PLCH1: variants seen among roughly 807,000 people sequenced by gnomAD.
PLCH1 encodes 1-phosphatidylinositol 4,5-bisphosphate phosphodiesterase eta-1.
In PLCH1, 60 loss-of-function variants were observed where a neutral mutation model predicts 126.7. The ratio of observed to expected loss-of-function variants is 0.47; its 90% CI spans 0.38 to 0.59. The LOEUF is 0.59. Among genes scored for constraint, PLCH1 ranks in the 20% least tolerant of loss-of-function variants. The pLI is 0.00. For missense variants in PLCH1, 1,723 were observed against 2,040.0 expected (o/e 0.84, Z 2.99); for synonymous variants, 719 against 734.9 (o/e 0.98, Z 0.35).
intron 2 of PLCH1, among the ~76,000 whole-genome samples, chr3:155,622,431 T>G (rs1029990462): frequency 6.6e-6 from 1 of 152,174 alleles, no homozygotes; most frequent in Non-Finnish European, 1.5e-5. Flanking sequence ...TAAATGTAAA[T>G]GGGCTAAATG....
chr3:155,522,983 G>A (rs577641054), intron 11 of PLCH1, among the ~76,000 whole-genome samples: 1 of 130,110 alleles, frequency 7.7e-6, no homozygotes, highest in African/African-American at 2.9e-5. Flanking sequence ...GGGGTGTGGG[G>A]TTGGAGGTGG....
chr3:155,625,183 T>C (rs1737081173), intron 2 of PLCH1, among the ~76,000 whole-genome samples: 1 of 152,202 alleles, frequency 6.6e-6, no homozygotes, highest in Non-Finnish European at 1.5e-5. Context: ...GAAAATTGGC[T>C]AGCCATAAGC....
intron 6 of PLCH1, among the ~76,000 whole-genome samples, chr3:155,569,472 G>A (rs1009522231): frequency 2.0e-5 from 3 of 152,134 alleles, no homozygotes; most frequent in African/African-American, 7.2e-5. Flanking sequence ...TTTCAAACTA[G>A]CATGGTGGCT....
In PLCH1 at chr3:155,634,256, C is replaced by T. The variant is rs1738450070; in HGVS notation, c.80-37878G>A. Among the ~76,000 whole-genome samples the T allele has an allele frequency of 7.9e-5, 12 of 152,214 alleles. 1 individual carries two copies. In the South Asian group the frequency reaches 2.5e-3, roughly 32 times the overall value. On this transcript the variant is annotated intron_variant, in intron 2 of 22. Coordinates refer to ENST00000460012, the MANE Select transcript of PLCH1 (RefSeq NM_014996.4). ...AGCCTGGCCTTCACAGCCCCTCCAA[C>T]CAAGAAACAGCAGCAGCGTGTTGCT...
At chr3:155,694,234 A>G (rs1025805596) in intron 2 of PLCH1, among the ~76,000 whole-genome samples, 1 of 152,192 alleles carries the variant, frequency 6.6e-6, no homozygotes, top group Non-Finnish European at 1.5e-5. Flanking sequence ...CTAGAATCAC[A>G]TGAAGAGTTC....
At chr3:155,698,986 C>CT (rs35308889) in intron 2 of PLCH1, among the ~76,000 whole-genome samples, 18,409 of 138,202 alleles carry the variant, frequency 0.13, 1,220 homozygotes, top group South Asian at 0.23. Flanking sequence ...GGCCTATCTT[C>CT]TTTTTTTTTT....
chr3:155,473,341 T>C (rs1463523722), intron 21 of PLCH1, among the ~76,000 whole-genome samples: 2 of 152,050 alleles, frequency 1.3e-5, no homozygotes, highest in East Asian at 3.9e-4. Flanking sequence ...TCAAAGAGAA[T>C]AAAATACCTA....
chr3:155,486,519 T>TG (rs1256771319), intron 21 of PLCH1, among the ~76,000 whole-genome samples: 5 of 144,512 alleles, frequency 3.5e-5, no homozygotes, highest in Admixed American at 6.8e-5. Context: ...GTTTGTTTTT[T>TG]TTTTTTTTTT....
rs202216052 is a variant in PLCH1 at position 155,561,382 on chromosome 3, A to T, written c.1069+3533T>A. 1.9e-4 allele frequency among the ~76,000 whole-genome samples: 29 copies of T among 149,448 alleles called. No individual in the cohort carries two copies. The East Asian group carries it at 2.6e-3, about 13-fold the overall frequency. On this transcript the variant is annotated intron_variant, in intron 8 of 22. Coordinates refer to ENST00000460012, the MANE Select transcript of PLCH1 (RefSeq NM_014996.4). ...CCCACCTATGAGTGAGAATATGCGG[A>T]GTTTGGTTTTTTGTTCTTGCGATAG...
chr3:155,639,100 A>G (rs961315062), intron 2 of PLCH1, among the ~76,000 whole-genome samples: 11 of 152,154 alleles, frequency 7.2e-5, no homozygotes, highest in African/African-American at 2.7e-4. Context: ...TGAGTAAATG[A>G]AAAAAATTGA....
At chr3:155,528,229 CAAAAA>C (rs55712257) in intron 10 of PLCH1, among the ~76,000 whole-genome samples, 7 of 124,412 alleles carry the variant, frequency 5.6e-5, no homozygotes, top group Non-Finnish European at 6.7e-5. Flanking sequence ...GTCTCCCCAC[CAAAAA>C]AAAAAAAAAA....
intron 21 of PLCH1, among the ~76,000 whole-genome samples, chr3:155,458,498 G>GAAAGAA (rs776599269): frequency 0.025 from 1,728 of 69,428 alleles, 252 homozygotes; most frequent in African/African-American, 0.11. Context: ...AAGAAAGAAA[G>GAAAGAA]AGAAAGAAGA....
chr3:155,483,622 G>A (rs1233681909), intron 22 of PLCH1, among the ~76,000 whole-genome samples: 1 of 152,114 alleles, frequency 6.6e-6, no homozygotes, highest in Non-Finnish European at 1.5e-5. Flanking sequence ...ATCAATATCT[G>A]TTGAGTTAAA....
chr3:155,721,027 T>C (rs1747910995), intron 1 of PLCH1, among the ~76,000 whole-genome samples: 1 of 152,144 alleles, frequency 6.6e-6, no homozygotes, highest in Non-Finnish European at 1.5e-5. Context: ...GTTGGCTGTA[T>C]ATATTTGGCT....
At chr3:155,583,926 A>C (rs1260702808) in intron 5 of PLCH1, among the ~76,000 whole-genome samples, 2 of 151,822 alleles carry the variant, frequency 1.3e-5, no homozygotes, top group Admixed American at 6.6e-5. Context: ...AAAAAAAAAA[A>C]ACCTGTAGAA....
intron 6 of PLCH1, among the ~76,000 whole-genome samples, chr3:155,571,970 A>G (rs1434907011): frequency 1.3e-5 from 2 of 152,184 alleles, no homozygotes; most frequent in Admixed American, 6.5e-5. Context: ...CTCACAGAAC[A>G]TTTTTTATGA....
intron 1 of PLCH1, among the ~76,000 whole-genome samples, chr3:155,709,085 T>C (rs1001332765): frequency 9.2e-5 from 14 of 152,252 alleles, no homozygotes. Context: ...GCATTTAATG[T>C]TCTACGTCTT....
intron 5 of PLCH1, among the ~76,000 whole-genome samples, chr3:155,584,974 T>C (rs1402921379): frequency 6.6e-6 from 1 of 152,172 alleles, no homozygotes; most frequent in Non-Finnish European, 1.5e-5. Context: ...TGACACGGAA[T>C]ACCAGAAACA....
At chr3:155,591,456 T>A (rs1732162080) in intron 4 of PLCH1, among the ~76,000 whole-genome samples, 1 of 152,134 alleles carries the variant, frequency 6.6e-6, no homozygotes, top group Admixed American at 6.5e-5. Flanking sequence ...TGTACTTCAA[T>A]CAAAACAACG....
Sources: gnomAD v4.1 joint callset for allele counts (sites outside exome capture counted in the v4.1 genomes callset) on GRCh38, gnomAD v4.1.1 for gene constraint, MANE v1.5 for transcripts, NCBI Gene and HGNC (gene_info 2026-07-23, HGNC 2026-07-21) for gene names.